Variants in TOMM70 observed in about 807,000 individuals in gnomAD.
The protein encoded by TOMM70 is translocase of outer mitochondrial membrane 70, also known as mitochondrial import receptor subunit TOM70.
TOMM70 carries 13 observed loss-of-function variants against 73.6 expected under a neutral mutation model. The ratio of observed to expected loss-of-function variants is 0.18; its 90% CI spans 0.11 to 0.28. The LOEUF is 0.28. TOMM70 is among the 10% of genes least tolerant of loss of function. TOMM70 has a pLI of 1.00. For missense variants in TOMM70, 609 were observed against 747.5 expected (o/e 0.81, Z 2.16); for synonymous variants, 257 against 271.2 (o/e 0.95, Z 0.51).
At chr3:100,383,320 G>A (rs1050186666) in intron 4 of TOMM70, among the ~76,000 whole-genome samples, 1 of 152,020 alleles carries the variant, frequency 6.6e-6, no homozygotes, top group African/African-American at 2.4e-5. Context: ...TCAGGAGTTC[G>A]AGACCAGCCT....
Position 100,401,049 on chromosome 3 carries a change from C to G in TOMM70, c.-100G>C. 8.1e-7 allele frequency: 1 copy of G among 1,241,554 alleles called. No homozygotes were observed. The highest frequency in any genetic ancestry group is 1.1e-6 in the Non-Finnish European group (1 of 891,112). 76.9% of individuals were successfully genotyped at this position (1,241,554 alleles called of 1,614,324 possible). The stretch of plus-strand genomic sequence containing the variant: ...CGAGGGAGGGAAGGAAAGCAATGAG[C>G]GAGCGAGCACGCTAGGCAGAGAGAG... On this transcript the variant is annotated 5_prime_UTR_variant, in exon 1 of 12. Transcript: ENST00000284320.
intron 10 of TOMM70, 87 bp downstream of exon 10, chr3:100,368,951 T>C: frequency 1.1e-6 from 1 of 885,658 alleles, no homozygotes; most frequent in Non-Finnish European, 1.8e-6. Flanking sequence ...TCTACCACAG[T>C]CCCCTTCCTC....
chr3:100,387,745 C>T (rs960322892), intron 1 of TOMM70, among the ~76,000 whole-genome samples: 8 of 151,676 alleles, frequency 5.3e-5, no homozygotes, highest in African/African-American at 1.7e-4. Flanking sequence ...AAGTGATTCT[C>T]CTGCCTCAGC....
At chr3:100,371,534 T>C (rs1427930719) in intron 9 of TOMM70, among the ~76,000 whole-genome samples, 1 of 152,098 alleles carries the variant, frequency 6.6e-6, no homozygotes, top group East Asian at 1.9e-4. Flanking sequence ...CCCAAAGTGC[T>C]GGGATTGCAG....
Position 100,401,080 on chromosome 3 carries a change from G to T in TOMM70, c.-131C>A. The T allele has an allele frequency of 9.7e-7, 1 of 1,028,290 alleles. No individual in the cohort carries two copies. The highest frequency in any genetic ancestry group is 1.4e-6 in the Non-Finnish European group (1 of 704,650). 63.7% of individuals were successfully genotyped at this position (1,028,290 alleles called of 1,614,324 possible). A position where few individuals can be genotyped will look rare whatever the true frequency, so the allele number is the denominator to read the frequency against. On this transcript the variant is annotated 5_prime_UTR_variant, in exon 1 of 12. Coordinates refer to ENST00000284320, the MANE Select transcript of TOMM70 (RefSeq NM_014820.5). ...AGCACGCTAGGCAGAGAGAGCGGAC[G>T]ACAGAAAAGGGCCAGAGGTCACCGG...
chr3:100,373,158 A>G (rs1159278613), intron 8 of TOMM70, among the ~76,000 whole-genome samples: 1 of 149,550 alleles, frequency 6.7e-6, no homozygotes, highest in African/African-American at 2.5e-5. Flanking sequence ...AAAAAAAAAA[A>G]CAACCTTTTG....
chr3:100,393,204 C>T (rs1706782709), intron 1 of TOMM70, among the ~76,000 whole-genome samples: 1 of 151,394 alleles, frequency 6.6e-6, no homozygotes, highest in South Asian at 2.1e-4. Context: ...GATAGGGAAC[C>T]AACCTAAGTG....
In TOMM70 at chr3:100,379,730, C is replaced by T. The variant is rs539876856; in HGVS notation, c.885-1818G>A. On this transcript the variant is annotated intron_variant, in intron 5 of 11. Coordinates refer to ENST00000284320, the MANE Select transcript of TOMM70 (RefSeq NM_014820.5). ...CTCTGGGACTCAAGCAATCCTCCCA[C>T]CTCAGCCTCCCCAGTTGCTGAGACT... is the stretch of plus-strand genomic sequence containing the variant. 6.6e-5 allele frequency among the ~76,000 whole-genome samples: 10 copies of T among 152,184 alleles called. 1 individual carries two copies. Among genetic ancestry groups the T allele is most frequent in the Admixed American group, 2.6e-4 (4 of 15,284 alleles).
intron 1 of TOMM70, among the ~76,000 whole-genome samples, chr3:100,397,286 A>C (rs1346827986): frequency 1.3e-5 from 2 of 152,330 alleles, no homozygotes; most frequent in East Asian, 3.9e-4. Flanking sequence ...TCTAATAATA[A>C]CTCTAAGGAC....
chr3:100,386,167 GAC>G, intron 3 of TOMM70, 49 bp downstream of exon 3: 1 of 1,561,066 alleles, frequency 6.4e-7, no homozygotes, highest in Non-Finnish European at 8.7e-7. Flanking sequence ...ATTTACCAAT[GAC>G]TACAAAATAT....
At chr3:100,369,012 A>G (rs1437383348) in intron 10 of TOMM70, 26 bp downstream of exon 10, 19 of 1,518,202 alleles carry the variant, frequency 1.3e-5, no homozygotes, top group Non-Finnish European at 1.6e-5. Flanking sequence ...TTATTATCTC[A>G]TTGGAACAAT....
chr3:100,395,583 G>A (rs571351447), intron 1 of TOMM70, among the ~76,000 whole-genome samples: 8 of 150,306 alleles, frequency 5.3e-5, no homozygotes, highest in South Asian at 4.2e-4. Flanking sequence ...AGATTTCCAC[G>A]GAATCCAGCA....
At chr3:100,393,040 G>T (rs1706780671) in intron 1 of TOMM70, among the ~76,000 whole-genome samples, 1 of 152,008 alleles carries the variant, frequency 6.6e-6, no homozygotes, top group Non-Finnish European at 1.5e-5. Flanking sequence ...GCTGGGCATG[G>T]TGGCGCATGC....
intron 1 of TOMM70, among the ~76,000 whole-genome samples, chr3:100,399,800 C>G (rs923069605): frequency 6.7e-6 from 1 of 148,782 alleles, no homozygotes. Flanking sequence ...CTGTGTGCAA[C>G]CAAGCCTGGT....
intron 11 of TOMM70, among the ~76,000 whole-genome samples, chr3:100,365,996 A>G (rs1425929181): frequency 6.6e-6 from 1 of 152,236 alleles, no homozygotes; most frequent in Non-Finnish European, 1.5e-5. Context: ...TATCCCTTGT[A>G]TTCTGTGTTT....
chr3:100,383,739 A>G (rs1706661602), intron 4 of TOMM70, among the ~76,000 whole-genome samples: 1 of 152,242 alleles, frequency 6.6e-6, no homozygotes, highest in South Asian at 2.1e-4. Context: ...TATTAAAGGA[A>G]AAAGGAACAA....
intron 1 of TOMM70, among the ~76,000 whole-genome samples, chr3:100,389,733 T>C (rs1334092255): frequency 6.6e-6 from 1 of 152,224 alleles, no homozygotes; most frequent in African/African-American, 2.4e-5. Context: ...TTCATTTATC[T>C]AATAAAGGTT....
intron 1 of TOMM70, among the ~76,000 whole-genome samples, chr3:100,391,647 G>C (rs1706763235): frequency 6.6e-6 from 1 of 152,132 alleles, no homozygotes; most frequent in African/African-American, 2.4e-5. Flanking sequence ...TATTTGTCCA[G>C]GCTGGTATCG....
intron 1 of TOMM70, among the ~76,000 whole-genome samples, chr3:100,394,847 C>T (rs954540122): frequency 6.6e-6 from 1 of 151,938 alleles, no homozygotes; most frequent in Non-Finnish European, 1.5e-5. Flanking sequence ...GATAATAATA[C>T]CTAAGATAAT....
Sources: allele counts gnomAD v4.1 joint callset (sites outside exome capture counted in the v4.1 genomes callset), GRCh38; gene constraint gnomAD v4.1.1; transcripts MANE v1.5; gene names NCBI Gene and HGNC (gene_info 2026-07-23, HGNC 2026-07-21).